The following CBFA2T2 variants were observed in gnomAD, a reference collection of about 807,000 sequenced individuals.
CBFA2T2 encodes CBFA2/RUNX1 partner transcriptional co-repressor 2.
CBFA2T2 carries 11 observed loss-of-function variants against 62.2 expected under a neutral mutation model. The observed-to-expected ratio is 0.18, with a 90% CI of 0.11 to 0.29. The LOEUF is 0.29. Ranked by LOEUF, CBFA2T2 falls within the 10% of genes least tolerant of loss-of-function variation. The probability of loss-of-function intolerance (pLI) is 1.00; values close to 1 mark genes in which losing one functional copy is unlikely to be tolerated. For missense variants in CBFA2T2, 592 were observed against 774.1 expected (o/e 0.76, Z 2.79); for synonymous variants, 295 against 287.5 (o/e 1.03, Z -0.27).
intron 1 of CBFA2T2, among the ~76,000 whole-genome samples, chr20:33,562,036 C>G (rs80350236): frequency 1.4e-3 from 209 of 152,080 alleles, no homozygotes; most frequent in African/African-American, 4.8e-3. Flanking sequence ...AAAACTGGCT[C>G]AAAAAACAGA....
At chr20:33,577,772 C>T (rs2013895335) in intron 1 of CBFA2T2, among the ~76,000 whole-genome samples, 1 of 152,146 alleles carries the variant, frequency 6.6e-6, no homozygotes, top group African/African-American at 2.4e-5. Flanking sequence ...TAATTTTTGA[C>T]TTCTCTGAGC....
At chr20:33,535,920 C>G (rs530611020) in intron 1 of CBFA2T2, among the ~76,000 whole-genome samples, 1 of 152,164 alleles carries the variant, frequency 6.6e-6, no homozygotes, top group Non-Finnish European at 1.5e-5. Flanking sequence ...GCACATCTTG[C>G]ACCGCCCTTA....
At chr20:33,615,582 C>T (rs576892964) in intron 3 of CBFA2T2, among the ~76,000 whole-genome samples, 101 of 152,194 alleles carry the variant, frequency 6.6e-4, no homozygotes, top group African/African-American at 2.1e-3. Flanking sequence ...TCTCCCTATT[C>T]CCCCCAATAA....
intron 1 of CBFA2T2, among the ~76,000 whole-genome samples, chr20:33,566,871 C>G (rs2013340799): frequency 6.6e-6 from 1 of 152,124 alleles, no homozygotes; most frequent in South Asian, 2.1e-4. Flanking sequence ...GCTGTCTTTC[C>G]AAATCCAAGA....
rs2016787385 is a variant in CBFA2T2 at position 33,640,452 on chromosome 20, A to C, written c.1409A>C (p.Glu470Ala). 1 of 1,614,266 alleles carries C rather than the reference A, an allele frequency of 6.2e-7. No individual in the cohort carries two copies. Among genetic ancestry groups the C allele is most frequent in the Non-Finnish European group, 8.5e-7 (1 of 1,180,050 alleles). ...ATTGCAACAGAGAGAGCACGAATGG[A>C]GCAAACCATAGCGGATGTCAAGCGG... is the stretch of plus-strand genomic sequence containing the variant. ...EVIATERARMEQTIADVKRQA... is the reference protein window; with the variant it reads ...EVIATERARMAQTIADVKRQA... Residue 470 changes from glutamate to alanine, a missense_variant, in exon 10 of 11, where the codon GAG becomes GCG. Around this residue, in one of 3 missense-constraint regions of CBFA2T2, gnomAD observed 58 missense variants for 123.9 expected, o/e 0.47. Coordinates refer to ENST00000342704, the MANE Select transcript of CBFA2T2 (RefSeq NM_001032999.3).
At chr20:33,601,408 G>T (rs889915916) in intron 1 of CBFA2T2, among the ~76,000 whole-genome samples, 5 of 152,102 alleles carry the variant, frequency 3.3e-5, no homozygotes, top group Non-Finnish European at 7.4e-5. Context: ...GGGATTACAG[G>T]TGTGTGCCAC....
intron 1 of CBFA2T2, among the ~76,000 whole-genome samples, chr20:33,579,873 G>C (rs1170078816): frequency 4.0e-5 from 6 of 150,160 alleles, no homozygotes; most frequent in Non-Finnish European, 5.9e-5. Flanking sequence ...GGAGTGCAAT[G>C]GCACGGTCTC....
chr20:33,519,901 C>T (rs746255456), intron 1 of CBFA2T2, among the ~76,000 whole-genome samples: 1 of 152,100 alleles, frequency 6.6e-6, no homozygotes, highest in Non-Finnish European at 1.5e-5. Context: ...AATACCAGCA[C>T]TTTGGGAGGC....
intron 1 of CBFA2T2, among the ~76,000 whole-genome samples, chr20:33,553,281 A>G (rs554334387): frequency 2.7e-4 from 41 of 152,184 alleles, no homozygotes; most frequent in African/African-American, 9.6e-4. Flanking sequence ...CGGGAGTGCA[A>G]TGGTGCACAG....
At chr20:33,631,556 C>CTCTTGCTGGAGTCATTCAGG (rs370376904) in intron 8 of CBFA2T2, among the ~76,000 whole-genome samples, 1,696 of 152,280 alleles carry the variant, frequency 0.011, 34 homozygotes, top group African/African-American at 0.039. Flanking sequence ...CAAGATACAG[C>CTCTTGCTGGAGTCATTCAGG]TCTTGCTGGA....
At chr20:33,600,182 GTTTTTTTTTTTTT>G (rs1183371343) in intron 1 of CBFA2T2, among the ~76,000 whole-genome samples, 8 of 62,048 alleles carry the variant, frequency 1.3e-4, no homozygotes, top group Admixed American at 1.9e-4. Context: ...CTTTTGGAAA[GTTTTTTTTTTTTT>G]TTTTTTTTTT....
chr20:33,510,066 C>T (rs919883808), intron 1 of CBFA2T2, among the ~76,000 whole-genome samples: 5 of 151,894 alleles, frequency 3.3e-5, no homozygotes, highest in African/African-American at 4.8e-5. Flanking sequence ...TGAGAACATG[C>T]GGTGTTTGGT....
At position 33,624,751 on chromosome 20, in the gene CBFA2T2, G is replaced by C. The variant is rs2016151054; in HGVS notation, c.693-13G>C. ...TTGACAGGATCAGATACGCACTTCT[G>C]CTTCTTCTACAGGAGAGAAGAGAAT... On this transcript the variant is annotated splice_polypyrimidine_tract_variant and intron_variant, in intron 5 of 10. Coordinates refer to ENST00000342704, the MANE Select transcript of CBFA2T2 (RefSeq NM_001032999.3). 6.2e-7 allele frequency: 1 copy of C among 1,613,384 alleles called. No homozygotes were observed.
chr20:33,589,211 A>G (rs1414260829), intron 1 of CBFA2T2, among the ~76,000 whole-genome samples: 1 of 152,228 alleles, frequency 6.6e-6, no homozygotes, highest in Non-Finnish European at 1.5e-5. Context: ...TGCCTCTGGC[A>G]TGGAGCTTCA....
chr20:33,526,313 A>G (rs1461864448), intron 1 of CBFA2T2, among the ~76,000 whole-genome samples: 1 of 152,246 alleles, frequency 6.6e-6, no homozygotes, highest in Non-Finnish European at 1.5e-5. Flanking sequence ...TCAGAAACAC[A>G]TAAAAAAGAA....
intron 1 of CBFA2T2, among the ~76,000 whole-genome samples, chr20:33,549,364 G>A (rs1176231028): frequency 3.3e-5 from 5 of 152,046 alleles, no homozygotes; most frequent in Admixed American, 2.6e-4. Context: ...CAATCCAAAT[G>A]CCCATTAACT....
At chr20:33,494,253 A>G (rs1336878359) in intron 1 of CBFA2T2, among the ~76,000 whole-genome samples, 12 of 67,792 alleles carry the variant, frequency 1.8e-4, no homozygotes, top group Admixed American at 1.1e-3. Flanking sequence ...GTATATATAT[A>G]TATATATATA....
chr20:33,555,675 A>G (rs997066346), intron 1 of CBFA2T2, among the ~76,000 whole-genome samples: 1 of 152,218 alleles, frequency 6.6e-6, no homozygotes, highest in Non-Finnish European at 1.5e-5. Context: ...CCACAGTACA[A>G]TTATCAAAAT....
At chr20:33,494,264 T>C (rs1359974846) in intron 1 of CBFA2T2, among the ~76,000 whole-genome samples, 2 of 75,570 alleles carry the variant, frequency 2.6e-5, no homozygotes, top group Non-Finnish European at 4.9e-5. Context: ...TATATATATA[T>C]ATATATATAT....
Sources: gnomAD v4.1 joint callset for allele counts (sites outside exome capture counted in the v4.1 genomes callset) on GRCh38, gnomAD v4.1.1 for gene constraint, gnomAD v4.1.1 regional missense constraint, MANE v1.5 for transcripts, NCBI Gene and HGNC (gene_info 2026-07-23, HGNC 2026-07-21) for gene names.